Variants in PAH observed in about 807,000 individuals in gnomAD.
PAH encodes phenylalanine hydroxylase, also known as phenylalanine-4-hydroxylase.
PAH carries 64 observed loss-of-function variants against 62.0 expected under a neutral mutation model. The observed-to-expected ratio is 1.03, with a 90% CI of 0.84 to 1.27. PAH has a LOEUF of 1.27. PAH is among the 50% of genes most tolerant of loss of function. PAH has a pLI of 0.00. For missense variants in PAH, 579 were observed against 542.8 expected, an observed-to-expected ratio of 1.07 and a Z score of -0.66; for synonymous variants, 195 against 196.2, an observed-to-expected ratio of 0.99 and a Z score of 0.05.
Position 102,843,736 on chromosome 12 carries a change from T to C in PAH, c.1109A>G (p.Glu370Gly), listed in dbSNP as rs1592947508. The C allele has an allele frequency of 1.2e-6, 2 of 1,613,824 alleles. No individual in the cohort carries two copies. The highest frequency in any genetic ancestry group is 2.2e-5 in the South Asian group (2 of 91,084). Residue 370 changes from glutamate to glycine, a missense_variant, in exon 11 of 13, where the codon GAG becomes GGG. Coordinates refer to ENST00000553106, the MANE Select transcript of PAH (RefSeq NM_000277.3). ...EKPKLLPLEL[E>G]KTAIQNYTVT... ...AGTGTAATTTTGGATGGCTGTCTTC[T>C]CCAGCTCCAGGGGGAGAAGCTTTGG...
intron 4 of PAH, among the ~76,000 whole-genome samples, chr12:102,867,498 T>C (rs140865629): frequency 2.3e-4 from 35 of 152,260 alleles, no homozygotes; most frequent in African/African-American, 8.4e-4. Context: ...TGAAAGACAA[T>C]TTTCCAAAAA....
At chr12:102,871,115 C>G (rs879540083) in intron 4 of PAH, among the ~76,000 whole-genome samples, 2 of 152,174 alleles carry the variant, frequency 1.3e-5, no homozygotes, top group Non-Finnish European at 2.9e-5. Context: ...CCTCTCACCC[C>G]CTCCACTTCA....
intron 1 of PAH, among the ~76,000 whole-genome samples, chr12:102,932,757 G>A (rs1243425658): frequency 1.3e-5 from 2 of 152,116 alleles, no homozygotes; most frequent in Non-Finnish European, 2.9e-5. Context: ...CAAAGGCAGT[G>A]GGTTCTTATA....
intron 1 of PAH, among the ~76,000 whole-genome samples, chr12:102,929,233 G>T (rs999378699): frequency 2.0e-5 from 3 of 152,086 alleles, no homozygotes; most frequent in African/African-American, 7.2e-5. Context: ...TTAGCAGCAT[G>T]AGAATAGACT....
intron 2 of PAH, among the ~76,000 whole-genome samples, chr12:102,910,396 A>T (rs1170196584): frequency 1.6e-5 from 2 of 128,788 alleles, no homozygotes; most frequent in African/African-American, 5.9e-5. Context: ...TTGGGGAGGG[A>T]GTCTTGCTCT....
At chr12:102,895,854 C>CAAAAAAA (rs780516168) in intron 2 of PAH, among the ~76,000 whole-genome samples, 1 of 105,034 alleles carries the variant, frequency 9.5e-6, no homozygotes, top group African/African-American at 3.4e-5. Context: ...GACTCTGTCT[C>CAAAAAAA]AAAAAAAAAA....
chr12:102,931,410 G>A (rs117011106), intron 1 of PAH, among the ~76,000 whole-genome samples: 2,086 of 152,228 alleles, frequency 0.014, 31 homozygotes, highest in Middle Eastern at 0.027. Context: ...GGGGGAATGC[G>A]CCACAGATGC....
At chr12:102,853,036 A>C in intron 6 of PAH, 86 bp from the exon 7 acceptor site, 3 of 1,425,430 alleles carry the variant, frequency 2.1e-6, no homozygotes, top group Non-Finnish European at 2.9e-6. Context: ...GGAGTAGTAC[A>C]CATAACTGCC....
At chr12:102,857,710 T>C (rs906253871) in intron 5 of PAH, among the ~76,000 whole-genome samples, 2 of 152,200 alleles carry the variant, frequency 1.3e-5, no homozygotes, top group Non-Finnish European at 2.9e-5. Context: ...CAGAATTTCA[T>C]ATCCAGACAA....
At chr12:102,956,983 G>A (rs759974570) in intron 1 of PAH, among the ~76,000 whole-genome samples, 38 of 152,180 alleles carry the variant, frequency 2.5e-4, no homozygotes, top group Non-Finnish European at 5.1e-4. Flanking sequence ...ACAGAGCATT[G>A]AGAGGACGCC....
intron 9 of PAH, among the ~76,000 whole-genome samples, chr12:102,846,642 T>C (rs886223607): frequency 6.6e-6 from 1 of 152,248 alleles, no homozygotes; most frequent in Admixed American, 6.5e-5. Context: ...GCTACTATTA[T>C]AGCCTGTTGG....
chr12:102,905,141 G>A (rs1877925985), intron 2 of PAH, among the ~76,000 whole-genome samples: 1 of 152,136 alleles, frequency 6.6e-6, no homozygotes, highest in Admixed American at 6.5e-5. Flanking sequence ...AGCAAGACCA[G>A]TAAGTCAATC....
At chr12:102,956,976 G>A (rs1879935939) in intron 1 of PAH, among the ~76,000 whole-genome samples, 1 of 152,184 alleles carries the variant, frequency 6.6e-6, no homozygotes, top group South Asian at 2.1e-4. Context: ...AGGAGCCACA[G>A]AGCATTGAGA....
intron 3 of PAH, among the ~76,000 whole-genome samples, chr12:102,885,678 A>G (rs971673711): frequency 6.6e-6 from 1 of 152,150 alleles, no homozygotes; most frequent in Non-Finnish European, 1.5e-5. Flanking sequence ...ACTGAGCAAA[A>G]GACCCCCCAG....
chr12:102,952,084 A>G (rs1295312685), upstream of PAH, among the ~76,000 whole-genome samples: 2 of 152,178 alleles, frequency 1.3e-5, no homozygotes, highest in Admixed American at 1.3e-4. Flanking sequence ...TCAAAGATTC[A>G]GCAAAGAAGC....
chr12:102,868,055 TATA>T (rs1565854706), intron 4 of PAH, among the ~76,000 whole-genome samples: 5 of 128,310 alleles, frequency 3.9e-5, no homozygotes, highest in African/African-American at 1.3e-4. Flanking sequence ...TATATGTATA[TATA>T]TACACATATA....
intron 10 of PAH, 65 bp downstream of exon 10, chr12:102,844,271 G>A (rs1006050123): frequency 8.9e-7 from 1 of 1,123,992 alleles, no homozygotes; most frequent in Non-Finnish European, 1.4e-6. Context: ...AATATTGAAA[G>A]CACAATAATG....
intron 1 of PAH, among the ~76,000 whole-genome samples, 197 bp downstream of exon 1, chr12:102,916,874 G>C (rs931649158): frequency 6.6e-6 from 1 of 151,502 alleles, no homozygotes; most frequent in African/African-American, 2.5e-5. Flanking sequence ...GAAAGCCACC[G>C]AGGACAGATG....
chr12:102,889,907 C>G (rs1160255876), intron 3 of PAH, among the ~76,000 whole-genome samples: 1 of 152,158 alleles, frequency 6.6e-6, no homozygotes, highest in Non-Finnish European at 1.5e-5. Flanking sequence ...GATATTAATG[C>G]TCTTTCATGT....
Sources: allele counts gnomAD v4.1 joint callset (sites outside exome capture counted in the v4.1 genomes callset), GRCh38; gene constraint gnomAD v4.1.1; transcripts MANE v1.5; gene names NCBI Gene and HGNC (gene_info 2026-07-23, HGNC 2026-07-21).